Variants in EZH2 observed in about 807,000 individuals in gnomAD.
EZH2 encodes enhancer of zeste 2 polycomb repressive complex 2 subunit, also known as histone-lysine N-methyltransferase EZH2.
EZH2 carries 18 observed loss-of-function variants against 98.4 expected under a neutral mutation model. The observed-to-expected ratio is 0.18, with a 90% confidence interval of 0.13 to 0.27. EZH2 has a LOEUF of 0.27. Among genes scored for constraint, EZH2 ranks in the 10% least tolerant of loss-of-function variants. The probability of loss-of-function intolerance (pLI) is 1.00; values close to 1 mark genes in which losing one functional copy is unlikely to be tolerated. For missense variants in EZH2, 470 were observed against 935.1 expected (o/e 0.50, Z 6.49); for synonymous variants, 338 against 312.3 (o/e 1.08, Z -0.87).
intron 8 of EZH2, among the ~76,000 whole-genome samples, chr7:148,823,615 A>G (rs1312036996): frequency 1.3e-5 from 2 of 152,076 alleles, no homozygotes; most frequent in African/African-American, 4.8e-5. Context: ...TGGGGAACAG[A>G]AAGTCATTGG....
intron 1 of EZH2, among the ~76,000 whole-genome samples, chr7:148,883,834 C>T (rs1424934157): frequency 6.6e-6 from 1 of 151,914 alleles, no homozygotes; most frequent in Non-Finnish European, 1.5e-5. Context: ...GGCACCGGAA[C>T]GCCCCGACCC....
intron 1 of EZH2, among the ~76,000 whole-genome samples, chr7:148,855,897 C>CAA (rs34692092): frequency 0.03 from 1,228 of 40,556 alleles, 89 homozygotes; most frequent in African/African-American, 0.055. Context: ...GACTCCATCT[C>CAA]AAAAAAAAAA....
chr7:148,856,953 T>C (rs141863675), intron 1 of EZH2, among the ~76,000 whole-genome samples: 1 of 152,164 alleles, frequency 6.6e-6, no homozygotes, highest in East Asian at 1.9e-4. Flanking sequence ...ATGATTCACT[T>C]CCAAAGAAGA....
At chr7:148,824,719 T>G (rs1388243889) in intron 8 of EZH2, among the ~76,000 whole-genome samples, 2 of 152,218 alleles carry the variant, frequency 1.3e-5, no homozygotes, top group Non-Finnish European at 2.9e-5. Flanking sequence ...ATATACCATG[T>G]GTGGTATTTT....
At chr7:148,880,316 G>A (rs929098316) in intron 1 of EZH2, among the ~76,000 whole-genome samples, 19 of 152,098 alleles carry the variant, frequency 1.2e-4, no homozygotes, top group African/African-American at 4.3e-4. Context: ...TTACACTGTC[G>A]CTACATCCTT....
At chr7:148,821,571 T>C (rs1247351895) in intron 8 of EZH2, among the ~76,000 whole-genome samples, 1 of 152,362 alleles carries the variant, frequency 6.6e-6, no homozygotes, top group Non-Finnish European at 1.5e-5. Flanking sequence ...ACGCCTGTAA[T>C]TCCAGCACTT....
intron 1 of EZH2, among the ~76,000 whole-genome samples, chr7:148,859,618 GCAAA>G (rs2129487970): frequency 6.6e-6 from 1 of 152,272 alleles, no homozygotes; most frequent in South Asian, 2.1e-4. Context: ...GGCAAGGGTG[GCAAA>G]CAAAGGAATG....
intron 8 of EZH2, among the ~76,000 whole-genome samples, chr7:148,820,253 C>T (rs534669839): frequency 2.0e-5 from 3 of 152,032 alleles, no homozygotes; most frequent in Non-Finnish European, 2.9e-5. Flanking sequence ...GTCAAAAAAA[C>T]GGATTTTAGA....
intron 19 of EZH2, among the ~76,000 whole-genome samples, chr7:148,808,242 C>G (rs1277642275): frequency 2.0e-5 from 3 of 152,244 alleles, no homozygotes; most frequent in East Asian, 1.9e-4. Context: ...ACCCCACACT[C>G]TTCATTCAGA....
At chr7:148,832,572 C>G in intron 4 of EZH2, 62 bp downstream of exon 4, 1 of 884,510 alleles carries the variant, frequency 1.1e-6, no homozygotes, top group Non-Finnish European at 1.8e-6. Flanking sequence ...ATAAAATTAT[C>G]TATGCTTTTT....
intron 1 of EZH2, among the ~76,000 whole-genome samples, chr7:148,854,360 C>T (rs1816424523): frequency 1.3e-5 from 2 of 150,722 alleles, no homozygotes; most frequent in Middle Eastern, 3.2e-3. Flanking sequence ...GGCGTGAACC[C>T]GGGAGGCAGA....
chr7:148,882,067 A>G (rs1821080810), intron 1 of EZH2, among the ~76,000 whole-genome samples: 1 of 152,096 alleles, frequency 6.6e-6, no homozygotes, highest in African/African-American at 2.4e-5. Flanking sequence ...ATAATGGACA[A>G]GATTATTAAT....
intron 1 of EZH2, among the ~76,000 whole-genome samples, chr7:148,850,943 A>T (rs1334991355): frequency 6.6e-6 from 1 of 152,214 alleles, no homozygotes; most frequent in Non-Finnish European, 1.5e-5. Flanking sequence ...AAAGTTACGT[A>T]GCTAGAGTCT....
Position 148,865,507 on chromosome 7 carries a change from C to A in EZH2, c.-7-18202G>T, listed in dbSNP as rs557518529. Among the ~76,000 whole-genome samples the A allele has an allele frequency of 3.3e-5, 5 of 152,186 alleles. No homozygotes were observed. In the South Asian group the frequency reaches 1.0e-3, roughly 32 times the overall value. ...TAACCTGCTGGACAAGTCTCTCAGA[C>A]TGAAGATATTTAGCCACTCAGGAGT... On this transcript the variant is annotated intron_variant, in intron 1 of 19. Transcript: ENST00000320356.
chr7:148,835,124 T>G (rs975093850), intron 3 of EZH2, among the ~76,000 whole-genome samples: 8 of 152,174 alleles, frequency 5.3e-5, no homozygotes, highest in Admixed American at 6.5e-5. Flanking sequence ...ATTTACTATA[T>G]AAAACAGAGA....
intron 1 of EZH2, among the ~76,000 whole-genome samples, chr7:148,869,512 A>AT (rs1175959589): frequency 6.6e-6 from 1 of 151,870 alleles, no homozygotes; most frequent in Admixed American, 6.6e-5. Flanking sequence ...CATGTGGCTA[A>AT]TTTTTTGTAG....
chr7:148,841,261 T>C lies in EZH2; in HGVS notation c.246+5209A>G, dbSNP rs534698961. 4.6e-5 allele frequency among the ~76,000 whole-genome samples: 7 copies of C among 152,144 alleles called. No individual in the cohort carries two copies. In the South Asian group the frequency reaches 8.3e-4, roughly 18 times the overall value. On this transcript the variant is annotated intron_variant, in intron 3 of 19. Transcript: ENST00000320356. Reference sequence around the variant, plus strand: ...GCTCACAAGAAAAAAAAAATCCTTATATGATCATTTAAGAAATGTTACATC... The same window carrying C: ...GCTCACAAGAAAAAAAAAATCCTTACATGATCATTTAAGAAATGTTACATC...
intron 8 of EZH2, among the ~76,000 whole-genome samples, chr7:148,820,446 T>C (rs138187541): frequency 6.6e-6 from 1 of 150,794 alleles, no homozygotes; most frequent in Non-Finnish European, 1.5e-5. Flanking sequence ...TTCAGAATTA[T>C]ACAAGATGAA....
intron 8 of EZH2, among the ~76,000 whole-genome samples, chr7:148,823,530 T>TA (rs1047988916): frequency 5.9e-5 from 9 of 151,718 alleles, no homozygotes; most frequent in Admixed American, 1.3e-4. Flanking sequence ...AAAGAAACTG[T>TA]AAAAAAAATA....
Sources: gnomAD v4.1 joint callset for allele counts (sites outside exome capture counted in the v4.1 genomes callset) on GRCh38, gnomAD v4.1.1 for gene constraint, MANE v1.5 for transcripts, NCBI Gene and HGNC (gene_info 2026-07-23, HGNC 2026-07-21) for gene names.